The following KLRC1 variants were observed in gnomAD, a reference collection of about 807,000 sequenced individuals.
KLRC1 encodes NKG2-A/NKG2-B type II integral membrane protein.
KLRC1 carries 22 observed loss-of-function variants against 25.9 expected under a neutral mutation model. The observed-to-expected ratio is 0.85, with a 90% CI of 0.61 to 1.21. The LOEUF is 1.21. KLRC1 is among the 50% of genes most tolerant of loss of function. The pLI is 0.00. For missense variants in KLRC1, 240 were observed against 272.2 expected, an observed-to-expected ratio of 0.88 and a Z score of 0.83; for synonymous variants, 77 against 93.1, an observed-to-expected ratio of 0.83 and a Z score of 0.99.
At position 10,449,316 on chromosome 12, in the gene KLRC1, C is replaced by T. The variant is rs751920126; in HGVS notation, c.410G>A (p.Arg137Lys). The T allele has an allele frequency of 1.2e-6, 2 of 1,613,958 alleles. No individual in the cohort carries two copies. The highest frequency in any genetic ancestry group is 2.7e-5 in the African/African-American group (2 of 75,034). Reference protein sequence around the residue: ...SNSCYYIGKERRTWEESLLAC... With the variant: ...SNSCYYIGKEKRTWEESLLAC... Reference sequence around the variant, plus strand: ...CAGCAAACTCTCTTCCCAAGTTCTTCTTTCCTTACCAATGTAGTAACAACT... The same window carrying T: ...CAGCAAACTCTCTTCCCAAGTTCTTTTTTCCTTACCAATGTAGTAACAACT... The change falls in exon 5 of 7, where the codon AGA (arginine) becomes AAA (lysine). Residue 137 changes from arginine to lysine, a missense_variant. Coordinates refer to ENST00000359151, the MANE Select transcript of KLRC1 (RefSeq NM_002259.5).
chr12:10,454,642 T>C (rs1864180984), upstream of KLRC1: 1 of 985,254 alleles, frequency 1.0e-6, no homozygotes, highest in Non-Finnish European at 1.2e-6. Flanking sequence ...CTACAGAAGA[T>C]ACTAAAATGG....
At chr12:10,451,369 A>AT (rs1864122489) in intron 1 of KLRC1, 182 bp from the exon 2 acceptor site, 1 of 399,066 alleles carries the variant, frequency 2.5e-6, no homozygotes, top group Non-Finnish European at 4.2e-6. Flanking sequence ...TTAAAAAAAG[A>AT]TTTTTAGGCC....
intron 5 of KLRC1, among the ~76,000 whole-genome samples, chr12:10,447,986 T>C (rs773465824): frequency 3.9e-5 from 6 of 152,090 alleles, no homozygotes; most frequent in African/African-American, 4.8e-5. Flanking sequence ...AAATTAGAGG[T>C]TGTGATTCAG....
In KLRC1 at chr12:10,451,107, G is replaced by T. The variant is rs758332487; in HGVS notation, c.50C>A (p.Pro17Gln). 25 of 1,613,832 alleles carry T rather than the reference G, an allele frequency of 1.5e-5. No homozygotes were observed. Among genetic ancestry groups the T allele is most frequent in the Non-Finnish European group, 2.1e-5 (25 of 1,179,928 alleles). ...TTTAGGTTTTCGTTGCTGCCTCTTTGGGTTTGGGGGCAGATTCAGGTCTGA... is the reference window on the plus strand; with the variant it reads ...TTTAGGTTTTCGTTGCTGCCTCTTTTGGTTTGGGGGCAGATTCAGGTCTGA... ...IYSDLNLPPN[P>Q]KRQQRKPKGN... The change falls in exon 2 of 7, where the codon CCA (proline) becomes CAA (glutamine). Residue 17 changes from proline to glutamine, a missense_variant. Transcript: ENST00000359151.
At chr12:10,451,410 C>A in intron 1 of KLRC1, 1 of 244,068 alleles carries the variant, frequency 4.1e-6, no homozygotes, top group Non-Finnish European at 7.7e-6. Flanking sequence ...GTAATCCCAG[C>A]ACTTTGGGAG....
At position 10,450,999 on chromosome 12, in the gene KLRC1, T is replaced by C; in HGVS notation, c.158A>G (p.Gln53Arg). ...GCAGTGATAGGTTTTGTCATTCCCT[T>C]GAAAATCCTGAGAAGCTTTTTGAAG... Reference protein sequence around the residue: ...LNLQKASQDFQGNDKTYHCKD... With the variant: ...LNLQKASQDFRGNDKTYHCKD... The change falls in exon 2 of 7, where the codon CAA (glutamine) becomes CGA (arginine). Residue 53 changes from glutamine (Q) to arginine (R), a missense_variant. Physicochemically the swap from Gln to Arg is conservative, Grantham distance 43. Transcript: ENST00000359151. The C allele has an allele frequency of 6.2e-7, 1 of 1,613,290 alleles. No homozygotes were observed. The highest frequency in any genetic ancestry group is 8.5e-7 in the Non-Finnish European group (1 of 1,179,618).
intron 1 of KLRC1, among the ~76,000 whole-genome samples, chr12:10,451,786 G>A (rs972508329): frequency 1.3e-5 from 2 of 152,256 alleles, no homozygotes; most frequent in Middle Eastern, 3.4e-3. Context: ...TTTTACCTGT[G>A]TTAAAAATTA....
intron 6 of KLRC1, 70 bp downstream of exon 6, chr12:10,447,462 A>C: frequency 8.0e-7 from 1 of 1,249,988 alleles, no homozygotes; most frequent in East Asian, 2.5e-5. Flanking sequence ...ACATAGATTT[A>C]TTCATATTAT....
chr12:10,448,848 G>A (rs970825736), intron 5 of KLRC1, among the ~76,000 whole-genome samples: 4 of 152,184 alleles, frequency 2.6e-5, no homozygotes, highest in Admixed American at 6.5e-5. Context: ...GTCAGGATAA[G>A]TGATGAGGGC....
In KLRC1 at chr12:10,453,326, C is replaced by T; in HGVS notation, c.-160G>A. 1 of 985,368 alleles carries T rather than the reference C, an allele frequency of 1.0e-6. No individual in the cohort carries two copies. Among genetic ancestry groups the T allele is most frequent in the Non-Finnish European group, 1.2e-6 (1 of 829,886 alleles). 61.0% of individuals were successfully genotyped at this position (985,368 alleles called of 1,614,324 possible). A position where few individuals can be genotyped will look rare whatever the true frequency, so the allele number is the denominator to read the frequency against. On this transcript the variant is annotated 5_prime_UTR_variant, in exon 1 of 7. Transcript: ENST00000359151. Reference sequence around the variant, plus strand: ...AAATCCAAGACAAGAACAAACAATGCCTGCAATCTTCGCAGACTGCCCTGT... The same window carrying T: ...AAATCCAAGACAAGAACAAACAATGTCTGCAATCTTCGCAGACTGCCCTGT...
chr12:10,449,691 A>G (rs1864080705), intron 4 of KLRC1, among the ~76,000 whole-genome samples: 1 of 152,202 alleles, frequency 6.6e-6, no homozygotes, highest in Non-Finnish European at 1.5e-5. Context: ...AATAACTTGT[A>G]TCTTATCATA....
chr12:10,450,827 A>C, intron 2 of KLRC1, 143 bp downstream of exon 2: 1 of 691,184 alleles, frequency 1.4e-6, no homozygotes. Flanking sequence ...TTCATACTTT[A>C]CATTGAAATA....
At chr12:10,448,515 T>C (rs745857342) in intron 5 of KLRC1, among the ~76,000 whole-genome samples, 2 of 152,074 alleles carry the variant, frequency 1.3e-5, no homozygotes, top group Non-Finnish European at 2.9e-5. Context: ...CCAGAGTGGA[T>C]GTGGGTGAGG....
intron 3 of KLRC1, 103 bp downstream of exon 3, chr12:10,450,381 A>G (rs1864097105): frequency 1.5e-6 from 1 of 675,482 alleles, no homozygotes; most frequent in Non-Finnish European, 2.6e-6. Flanking sequence ...CCAAATATAT[A>G]CATTACAATG....
chr12:10,450,119 G>A lies in KLRC1; in HGVS notation c.284-152C>T, dbSNP rs1864090596. On this transcript the variant is annotated intron_variant, in intron 3 of 6. Transcript: ENST00000359151. The stretch of plus-strand genomic sequence containing the variant: ...AGAAAAATTTGATAAAGTAATGGTG[G>A]TTTTTTGGAAAAGTATTTCATAGAT... The A allele has an allele frequency of 5.0e-6, 3 of 595,658 alleles. No homozygotes were observed. In the East Asian group the frequency reaches 1.1e-4, roughly 22 times the overall value. 36.9% of individuals were successfully genotyped at this position (595,658 alleles called of 1,614,324 possible).
At chr12:10,450,237 T>C in intron 3 of KLRC1, 1 of 445,124 alleles carries the variant, frequency 2.2e-6, no homozygotes, top group East Asian at 3.6e-5. Context: ...GTAAGGTTTT[T>C]CAGACTCCTA....
intron 3 of KLRC1, chr12:10,450,207 A>G (rs957171691): frequency 7.0e-6 from 3 of 431,558 alleles, no homozygotes; most frequent in Non-Finnish European, 1.2e-5. Context: ...CTACTTTCAA[A>G]AATTAATTTC....
chr12:10,454,468 G>A (rs755444653), upstream of KLRC1: 16 of 242,258 alleles, frequency 6.6e-5, no homozygotes, highest in Non-Finnish European at 1.1e-4. Flanking sequence ...TAGTGTCTCA[G>A]GAGGTAGGCA....
intron 3 of KLRC1, 127 bp from the exon 4 acceptor site, chr12:10,450,094 A>T (rs1864090202): frequency 1.3e-6 from 1 of 795,008 alleles, no homozygotes; most frequent in Non-Finnish European, 1.8e-6. Flanking sequence ...ATTGATTTTA[A>T]GAAAAATTTG....
Sources: gnomAD v4.1 joint callset for allele counts (sites outside exome capture counted in the v4.1 genomes callset) on GRCh38, gnomAD v4.1.1 for gene constraint, MANE v1.5 for transcripts, NCBI Gene and HGNC (gene_info 2026-07-23, HGNC 2026-07-21) for gene names.